The following DNAH1 variants were observed in gnomAD, a reference collection of about 807,000 sequenced individuals.
The protein encoded by DNAH1 is dynein axonemal heavy chain 1, also known as axonemal beta dynein heavy chain 1.
In DNAH1, 327 loss-of-function variants were observed where a neutral mutation model predicts 484.3. That is an observed-to-expected ratio of 0.68 (90% CI 0.62 to 0.74). The LOEUF (loss-of-function observed/expected upper bound fraction) is 0.74. Among genes scored for constraint, DNAH1 ranks in the 30% least tolerant of loss-of-function variants. DNAH1 has a pLI of 0.00. For missense variants in DNAH1, 5,052 were observed against 5,546.8 expected (o/e 0.91, Z 2.83); for synonymous variants, 2,192 against 2,191.9 (o/e 1.00, Z 0.00).
upstream of DNAH1, among the ~76,000 whole-genome samples, chr3:52,312,712 G>A (rs1700826866): frequency 6.6e-6 from 1 of 151,840 alleles, no homozygotes; most frequent in South Asian, 2.1e-4. Context: ...GAGTGCAGTG[G>A]TGCGATCTCG....
chr3:52,375,483 C>A (rs56347145), intron 45 of DNAH1, 70 bp downstream of exon 45: 1 of 1,535,610 alleles, frequency 6.5e-7, no homozygotes, highest in South Asian at 1.2e-5. Context: ...CCAAGGACAA[C>A]TGGGTGGCCA....
In DNAH1 at chr3:52,370,143, G is replaced by T. The variant is rs1294808185; in HGVS notation, c.6172G>T (p.Glu2058Ter). ...SISFVRSSVK[E>*]VIASTNCNLT... is the part of the protein sequence containing the mutation. ...CTCCTTCGTTCGGTCCTCAGTGAAG[G>T]AGGTGATCGCCTCAACCAACTGCAA... Residue 2058 changes from glutamate (E) to a stop codon, truncating the protein, a stop_gained, in exon 39 of 78, where the codon GAG becomes TAG. Coordinates refer to ENST00000420323, the MANE Select transcript of DNAH1 (RefSeq NM_015512.5). LOFTEE classifies it high-confidence loss of function. 1 of 1,613,926 alleles carries T rather than the reference G, an allele frequency of 6.2e-7. No individual in the cohort carries two copies. The highest frequency in any genetic ancestry group is 8.5e-7 in the Non-Finnish European group (1 of 1,179,892).
rs375105856 is a variant in DNAH1 at position 52,378,666 on chromosome 3, A to G, written c.7263A>G (p.Ala2421=). The G allele has an allele frequency of 1.5e-5, 25 of 1,613,574 alleles. No homozygotes were observed. The highest frequency in any genetic ancestry group is 2.7e-5 in the African/African-American group (2 of 74,838). The change falls in exon 47 of 78, where the codon GCA becomes GCG. Residue 2421 remains alanine (A), a synonymous_variant. Coordinates refer to ENST00000420323, the MANE Select transcript of DNAH1 (RefSeq NM_015512.5). The stretch of plus-strand genomic sequence containing the variant: ...TGGAAGCCACCATCATGGTGTATGC[A>G]ACCATCACCTCCCAGCTGCTGCCCA... The part of the protein sequence containing the change: ...PLVEATIMVY[A]TITSQLLPTP...
intron 8 of DNAH1, among the ~76,000 whole-genome samples, chr3:52,340,945 G>C (rs965920729): frequency 6.6e-5 from 10 of 151,936 alleles, no homozygotes; most frequent in Admixed American, 6.6e-4. Flanking sequence ...TTTTGGTAGT[G>C]TTAGTTTTTT....
At position 52,379,848 on chromosome 3, in the gene DNAH1, A is replaced by G. The variant is rs1578176819; in HGVS notation, c.7378-57A>G. On this transcript the variant is annotated intron_variant, in intron 47 of 77. Transcript: ENST00000420323. The surrounding 1 kb of genome is among the most constrained non-coding windows in gnomAD (Gnocchi z 4.4). ...CCACCCTCCCTTGCCTGGTGGTTTG[A>G]GAGATAGCTGAGGGCTTGGGGGCCA... The G allele has an allele frequency of 1.4e-6, 2 of 1,470,452 alleles. No individual in the cohort carries two copies. Among genetic ancestry groups the G allele is most frequent in the East Asian group, 5.0e-5 (2 of 40,274 alleles). 91.1% of individuals were successfully genotyped at this position (1,470,452 alleles called of 1,614,324 possible).
chr3:52,373,148 C>T, intron 44 of DNAH1, 95 bp downstream of exon 44: 1 of 1,377,312 alleles, frequency 7.3e-7, no homozygotes, highest in Non-Finnish European at 9.5e-7. Context: ...TACTTTAAGG[C>T]ACCCACAAAA....
chr3:52,317,456 C>G (rs996123290), intron 1 of DNAH1, among the ~76,000 whole-genome samples: 15 of 152,196 alleles, frequency 9.9e-5, no homozygotes, highest in Non-Finnish European at 1.8e-4. Context: ...TCCTCAGTGC[C>G]CTGACCAGCT....
rs975819834 is a variant in DNAH1 at position 52,386,322 on chromosome 3, C to G, written c.8788C>G (p.Leu2930Val). 2 of 1,589,806 alleles carry G rather than the reference C, an allele frequency of 1.3e-6. No homozygotes were observed. Among genetic ancestry groups the G allele is most frequent in the African/African-American group, 2.7e-5 (2 of 74,382 alleles). The change falls in exon 55 of 78, where the codon CTC becomes GTC. Residue 2930 changes from leucine (L) to valine (V), a missense_variant. By Grantham distance (32) the Leu-to-Val change is conservative. This residue lies in a region of DNAH1 where 2,929 missense variants were observed against 3,409.4 expected (regional missense o/e 0.86). Transcript: ENST00000420323. ...LDAALASLRN[L>V]NKNDVTEVRA... ...TGCGGCTCTGGCCAGCCTGCGCAAC[C>G]TCAACAAGAACGATGTGACCGAGGT...
At chr3:52,393,151 T>G in intron 65 of DNAH1, 126 bp downstream of exon 65, 1 of 1,413,412 alleles carries the variant, frequency 7.1e-7, no homozygotes. Flanking sequence ...AGACTCACAA[T>G]ACATAAGAAT....
chr3:52,337,753 A>G lies in DNAH1; in HGVS notation c.1286+5359A>G, dbSNP rs1408201873. On this transcript the variant is annotated intron_variant, in intron 8 of 77. Transcript: ENST00000420323. ...AGTCTCCATTATCCCCTGCTTTCCT[A>G]CTTAACCCTTTAGTATCTGTCCTGT... 2.6e-5 allele frequency among the ~76,000 whole-genome samples: 4 copies of G among 152,082 alleles called. No individual in the cohort carries two copies. In the East Asian group the frequency reaches 5.8e-4, roughly 22 times the overall value.
In DNAH1 at chr3:52,339,804, C is replaced by CTGTG. The variant is rs59262545; in HGVS notation, c.1287-4662_1287-4659dup. Among the ~76,000 whole-genome samples the CTGTG allele has an allele frequency of 3.5e-3, 519 of 146,624 alleles. 1 individual carries two copies. Among genetic ancestry groups the CTGTG allele is most frequent in the African/African-American group, 3.8e-3 (151 of 39,726 alleles). ...TTTAGAATGTGCTCTGTGTGTGTGT[C>CTGTG]TGTGTGTGTGTGTGTGTGTGTGTGT... On this transcript the variant is annotated intron_variant, in intron 8 of 77. Transcript: ENST00000420323.
intron 15 of DNAH1, 150 bp from the exon 16 acceptor site, chr3:52,350,358 C>G: frequency 2.2e-6 from 2 of 916,480 alleles, no homozygotes; most frequent in Non-Finnish European, 1.7e-6. Context: ...TGATGCTGCC[C>G]TTGCACCCTG....
intron 73 of DNAH1, among the ~76,000 whole-genome samples, chr3:52,397,459 A>G (rs1704686796): frequency 6.6e-6 from 1 of 151,582 alleles, no homozygotes; most frequent in Non-Finnish European, 1.5e-5. Flanking sequence ...GAGCCTGACA[A>G]ATTTGGGCCA....
rs2153225065 is a variant in DNAH1, at chr3:52,379,569, G to C, written c.7378-336G>C. On this transcript the variant is annotated intron_variant, in intron 47 of 77. Coordinates refer to ENST00000420323, the MANE Select transcript of DNAH1 (RefSeq NM_015512.5). This position sits in a 1 kb window ranked among gnomAD's most constrained non-coding sequence, Gnocchi z 4.4. Reference sequence around the variant, plus strand: ...TTAGGAGCATCAAGCATCCCTCCCAGGTTTGGGGTTAGGGGAGCGACAGGG... The same window carrying C: ...TTAGGAGCATCAAGCATCCCTCCCACGTTTGGGGTTAGGGGAGCGACAGGG... Among the ~76,000 whole-genome samples the C allele has an allele frequency of 6.6e-6, 1 of 152,278 alleles. No individual in the cohort carries two copies. The highest frequency in any genetic ancestry group is 1.5e-5 in the Non-Finnish European group (1 of 68,020).
chr3:52,398,964 C>T lies in DNAH1; in HGVS notation c.12204C>T (p.Asn4068=), dbSNP rs1371190681. The T allele has an allele frequency of 1.2e-6, 2 of 1,613,812 alleles. No homozygotes were observed. The highest frequency in any genetic ancestry group is 1.3e-5 in the African/African-American group (1 of 74,946). The change falls in exon 76 of 78, where the codon AAC becomes AAT. Residue 4068 remains asparagine, a synonymous_variant. Transcript: ENST00000420323. Reference sequence around the variant, plus strand: ...AGCTGATGGCTGCCAGCCTGTACAACAATACTGTGCCTGAGCTCTGGAGTG... The same window carrying T: ...AGCTGATGGCTGCCAGCCTGTACAATAATACTGTGCCTGAGCTCTGGAGTG... ...QLELMAASLY[N]NTVPELWSAK...
At chr3:52,329,083 C>A (rs954254692) in intron 6 of DNAH1, among the ~76,000 whole-genome samples, 3 of 152,216 alleles carry the variant, frequency 2.0e-5, no homozygotes, top group African/African-American at 7.2e-5. Context: ...GACTTAATTA[C>A]AAAAATAATT....
intron 1 of DNAH1, among the ~76,000 whole-genome samples, chr3:52,318,342 G>C (rs1701027638): frequency 1.3e-5 from 2 of 152,228 alleles, no homozygotes; most frequent in South Asian, 4.1e-4. Context: ...CACTGCGCCC[G>C]GCCTGGAGGT....
In DNAH1 at chr3:52,397,799, C is replaced by T. The variant is rs373474334; in HGVS notation, c.11880C>T (p.Asn3960=). ...ATGCCAACATCACCTTTGCCCAGAACGAGACGTTCGCCCTCCTGGGCACCA... is the reference window on the plus strand; with the variant it reads ...ATGCCAACATCACCTTTGCCCAGAATGAGACGTTCGCCCTCCTGGGCACCA... ...HDNANITFAQ[N]ETFALLGTII... is the part of the protein sequence containing the mutation. Residue 3960 remains asparagine (N), a synonymous_variant, in exon 74 of 78, where the codon AAC becomes AAT. Coordinates refer to ENST00000420323, the MANE Select transcript of DNAH1 (RefSeq NM_015512.5). 34 of 1,613,636 alleles carry T rather than the reference C, an allele frequency of 2.1e-5. No individual in the cohort carries two copies. The highest frequency in any genetic ancestry group is 1.6e-4 in the Middle Eastern group (1 of 6,084).
At position 52,322,530 on chromosome 3, in the gene DNAH1, A is replaced by T. The variant is rs765987195; in HGVS notation, c.88A>T (p.Thr30Ser). ...CSSAPAVQVG[T>S]HRGLEYNPGK... ...CAGTGCTCCTGCAGTCCAAGTGGGG[A>T]CCCACAGGGGCCTAGAGTATAACCC... Residue 30 changes from threonine to serine, a missense_variant, in exon 2 of 78, where the codon ACC becomes TCC. By Grantham distance (58) the Thr-to-Ser change is moderately conservative. Around this residue, in one of 4 missense-constraint regions of DNAH1, gnomAD observed 1,263 missense variants for 1,218.8 expected, o/e 1.04. Coordinates refer to ENST00000420323, the MANE Select transcript of DNAH1 (RefSeq NM_015512.5). 6.2e-7 allele frequency: 1 copy of T among 1,613,666 alleles called. No homozygotes were observed. Among genetic ancestry groups the T allele is most frequent in the Non-Finnish European group, 8.5e-7 (1 of 1,179,776 alleles).
Sources: allele counts gnomAD v4.1 joint callset (sites outside exome capture counted in the v4.1 genomes callset), GRCh38; gene constraint gnomAD v4.1.1; regional missense constraint gnomAD v4.1.1; non-coding constraint Gnocchi (gnomAD v3.1); transcripts MANE v1.5; gene names NCBI Gene and HGNC (gene_info 2026-07-23, HGNC 2026-07-21).